Variants in SGCZ observed in about 807,000 individuals in gnomAD.
SGCZ encodes sarcoglycan zeta.
SGCZ carries 40 observed loss-of-function variants against 41.3 expected under a neutral mutation model. That is an observed-to-expected ratio of 0.97 (90% CI 0.75 to 1.26). The LOEUF (loss-of-function observed/expected upper bound fraction) is 1.26. Among genes scored for constraint, SGCZ ranks in the 50% most tolerant of loss-of-function variants. The pLI is 0.00. For synonymous variants in SGCZ, 206 were observed against 137.5 expected (o/e 1.50, Z -3.49); for missense variants, 552 against 369.8 (o/e 1.49, Z -4.04).
chr8:14,711,854 G>C (rs1465697972), intron 1 of SGCZ, among the ~76,000 whole-genome samples: 1 of 152,140 alleles, frequency 6.6e-6, no homozygotes, highest in Non-Finnish European at 1.5e-5. Flanking sequence ...TTGTTTGCTT[G>C]TTTGGTTTTT....
intron 1 of SGCZ, among the ~76,000 whole-genome samples, chr8:15,117,848 C>T (rs1807329794): frequency 6.6e-6 from 1 of 152,158 alleles, no homozygotes; most frequent in African/African-American, 2.4e-5. Context: ...AAAATCTCCA[C>T]GTATTCAAAC....
In SGCZ at chr8:14,757,338, C is replaced by T. The variant is rs548514237; in HGVS notation, c.40-202412G>A. ...CACTGGGACTGCAGGCGTGAGCCAC[C>T]GTGCCCAGCTTTCAACTGTCTTTTT... On this transcript the variant is annotated intron_variant, in intron 1 of 7. Coordinates refer to ENST00000382080, the MANE Select transcript of SGCZ (RefSeq NM_139167.4). Among the ~76,000 whole-genome samples, 22 of 152,326 alleles carry T rather than the reference C, an allele frequency of 1.4e-4. 3 individuals are homozygous for T. The Middle Eastern group carries it at 0.02, about 141-fold the overall frequency.
chr8:15,203,685 T>C (rs1800969218), intron 1 of SGCZ, among the ~76,000 whole-genome samples: 1 of 152,184 alleles, frequency 6.6e-6, no homozygotes, highest in South Asian at 2.1e-4. Context: ...AATAAATGAA[T>C]GGCCAAGACC....
rs573454729 is a variant in SGCZ, at chr8:15,031,137, A to G, written c.39+206448T>C. On this transcript the variant is annotated intron_variant, in intron 1 of 7. Transcript: ENST00000382080. ...AGTTTCATAAAACCAATCTGCATTG[A>G]GGTAGCTTTATTTTAAACAGGATGC... Among the ~76,000 whole-genome samples, 4 of 152,166 alleles carry G rather than the reference A, an allele frequency of 2.6e-5. No homozygotes were observed. The South Asian group carries it at 8.3e-4, about 32-fold the overall frequency.
At chr8:15,192,231 T>C (rs1800566061) in intron 1 of SGCZ, among the ~76,000 whole-genome samples, 1 of 152,048 alleles carries the variant, frequency 6.6e-6, no homozygotes, top group African/African-American at 2.4e-5. Context: ...GTGACATTCT[T>C]TTATTCCTTT....
intron 2 of SGCZ, among the ~76,000 whole-genome samples, chr8:14,433,013 A>C (rs552775058): frequency 6.6e-6 from 1 of 152,110 alleles, no homozygotes; most frequent in East Asian, 1.9e-4. Context: ...TAAAGAAAAA[A>C]AACATTGTTT....
At chr8:14,648,731 T>C (rs1411306497) in intron 1 of SGCZ, among the ~76,000 whole-genome samples, 1 of 152,052 alleles carries the variant, frequency 6.6e-6, no homozygotes, top group Non-Finnish European at 1.5e-5. Flanking sequence ...CGGCCGAGTG[T>C]CTAGGCTATT....
intron 2 of SGCZ, among the ~76,000 whole-genome samples, chr8:14,551,960 A>G (rs1261086300): frequency 6.6e-6 from 1 of 151,826 alleles, no homozygotes; most frequent in Non-Finnish European, 1.5e-5. Context: ...GATAAAAATA[A>G]CATGCCCAGT....
At chr8:14,718,791 C>T (rs145463633) in intron 1 of SGCZ, among the ~76,000 whole-genome samples, 1 of 150,558 alleles carries the variant, frequency 6.6e-6, no homozygotes, top group South Asian at 2.1e-4. Context: ...TTTAGAAATC[C>T]CTTCTTCTTA....
At chr8:14,298,819 G>C (rs1034262258) in intron 3 of SGCZ, among the ~76,000 whole-genome samples, 1 of 151,982 alleles carries the variant, frequency 6.6e-6, no homozygotes, top group Non-Finnish European at 1.5e-5. Context: ...GTGTGTGTGG[G>C]TGTGTGTGAT....
chr8:15,217,554 G>A (rs1801448289), intron 1 of SGCZ, among the ~76,000 whole-genome samples: 1 of 151,644 alleles, frequency 6.6e-6, no homozygotes, highest in Non-Finnish European at 1.5e-5. Context: ...CAATCTAGGA[G>A]GGTTATAACC....
At chr8:14,626,308 C>G (rs1806452311) in intron 1 of SGCZ, among the ~76,000 whole-genome samples, 2 of 152,064 alleles carry the variant, frequency 1.3e-5, no homozygotes, top group Admixed American at 1.3e-4. Flanking sequence ...CTATCCCTCC[C>G]CCAACCCCCT....
At chr8:14,208,676 A>G (rs1481663069) in intron 4 of SGCZ, among the ~76,000 whole-genome samples, 1 of 152,064 alleles carries the variant, frequency 6.6e-6, no homozygotes, top group Non-Finnish European at 1.5e-5. Context: ...AGAAACACTT[A>G]ATTATACAGT....
chr8:14,935,744 T>C (rs1357446446), intron 1 of SGCZ, among the ~76,000 whole-genome samples: 1 of 151,736 alleles, frequency 6.6e-6, no homozygotes, highest in Non-Finnish European at 1.5e-5. Flanking sequence ...AAGTCAGCAA[T>C]TCCAATAACT....
chr8:14,944,892 C>A (rs1310102860), intron 1 of SGCZ, among the ~76,000 whole-genome samples: 2 of 152,134 alleles, frequency 1.3e-5, no homozygotes, highest in Admixed American at 6.5e-5. Flanking sequence ...TTATCTAAAT[C>A]TCCACATTAT....
chr8:14,835,500 C>T (rs1435334109), intron 1 of SGCZ, among the ~76,000 whole-genome samples: 1 of 152,142 alleles, frequency 6.6e-6, no homozygotes, highest in African/African-American at 2.4e-5. Flanking sequence ...CTGCAGGATA[C>T]TGCATTTCTC....
chr8:14,737,660 G>C (rs1799080449), intron 1 of SGCZ, among the ~76,000 whole-genome samples: 1 of 151,298 alleles, frequency 6.6e-6, no homozygotes, highest in Non-Finnish European at 1.5e-5. Context: ...CTTGTTTGCA[G>C]ACGGCCATCC....
At chr8:14,818,768 T>G (rs1450600888) in intron 1 of SGCZ, among the ~76,000 whole-genome samples, 1 of 151,974 alleles carries the variant, frequency 6.6e-6, no homozygotes, top group Non-Finnish European at 1.5e-5. Flanking sequence ...TGAAGAATTC[T>G]ATGAAGGAAA....
At chr8:14,138,269 C>G (rs1803262524) in intron 5 of SGCZ, among the ~76,000 whole-genome samples, 2 of 152,158 alleles carry the variant, frequency 1.3e-5, no homozygotes. Flanking sequence ...GAAACTGCAT[C>G]AACTAACGAG....
Sources: gnomAD v4.1 joint callset for allele counts (sites outside exome capture counted in the v4.1 genomes callset) on GRCh38, gnomAD v4.1.1 for gene constraint, MANE v1.5 for transcripts, NCBI Gene and HGNC (gene_info 2026-07-23, HGNC 2026-07-21) for gene names.